Variants in PFKFB3 observed in about 807,000 individuals in gnomAD.
PFKFB3 encodes the protein 6-phosphofructo-2-kinase/fructose-2,6-biphosphatase 3.
In PFKFB3, 33 loss-of-function variants were observed where a neutral mutation model predicts 68.0. The observed-to-expected ratio is 0.49, with a 90% CI of 0.37 to 0.65. The LOEUF (loss-of-function observed/expected upper bound fraction) is 0.65, where lower values mean the gene tolerates loss of function less well. PFKFB3 is among the 30% of genes least tolerant of loss of function. The probability of loss-of-function intolerance (pLI) is 0.00; values close to 1 mark genes in which losing one functional copy is unlikely to be tolerated. For synonymous variants in PFKFB3, 315 were observed against 288.2 expected, an observed-to-expected ratio of 1.09 and a Z score of -0.94; for missense variants, 586 against 712.2, an observed-to-expected ratio of 0.82 and a Z score of 2.02.
intron 1 of PFKFB3, among the ~76,000 whole-genome samples, chr10:6,146,020 G>A (rs1841378789): frequency 6.6e-6 from 1 of 152,200 alleles, no homozygotes; most frequent in Non-Finnish European, 1.5e-5. Context: ...AGAGTTGTGT[G>A]ACTCCTGCGC....
At chr10:6,156,417 A>T (rs113391104) in intron 1 of PFKFB3, among the ~76,000 whole-genome samples, 8,869 of 151,940 alleles carry the variant, frequency 0.058, 315 homozygotes, top group Non-Finnish European at 0.074. Flanking sequence ...TGGCCTCCCA[A>T]AGTGCTGGGA....
At chr10:6,245,351 TC>T (rs1164155899) in intron 14 of PFKFB3, among the ~76,000 whole-genome samples, 1 of 151,874 alleles carries the variant, frequency 6.6e-6, no homozygotes, top group Non-Finnish European at 1.5e-5. Flanking sequence ...CGCCTTGGCC[TC>T]CCAAAGTGCT....
chr10:6,223,760 G>A (rs1010757051), intron 11 of PFKFB3, among the ~76,000 whole-genome samples, 198 bp from the exon 12 acceptor site: 4 of 152,144 alleles, frequency 2.6e-5, no homozygotes, highest in Non-Finnish European at 5.9e-5. Context: ...GGGATTATAC[G>A]CATGTGCTAC....
intron 6 of PFKFB3, among the ~76,000 whole-genome samples, chr10:6,217,473 G>A (rs1307648835): frequency 6.6e-6 from 1 of 152,242 alleles, no homozygotes; most frequent in East Asian, 1.9e-4. Flanking sequence ...GGTGGCAGGA[G>A]CCTGACAGCT....
At chr10:6,150,338 AG>A in intron 1 of PFKFB3, among the ~76,000 whole-genome samples, 1 of 152,190 alleles carries the variant, frequency 6.6e-6, no homozygotes, top group Non-Finnish European at 1.5e-5. Context: ...AGATCCTTAT[AG>A]GCCAGGCACG....
the PFKFB3 span, among the ~76,000 whole-genome samples, chr10:6,266,605 A>G: frequency 5.8e-4 from 89 of 152,306 alleles, 1 homozygote; most frequent in South Asian, 6.4e-3. Flanking sequence ...TATAATATGT[A>G]TGTGTGTGTA....
At chr10:6,264,095 C>T in the PFKFB3 span, among the ~76,000 whole-genome samples, 9 of 152,234 alleles carry the variant, frequency 5.9e-5, no homozygotes, top group Admixed American at 2.0e-4. Flanking sequence ...ACTTTTTCCC[C>T]ATATCGAATT....
At chr10:6,248,205 G>A (rs1846298682) in intron 14 of PFKFB3, among the ~76,000 whole-genome samples, 1 of 152,178 alleles carries the variant, frequency 6.6e-6, no homozygotes, top group African/African-American at 2.4e-5. Flanking sequence ...TTCACCCCCA[G>A]TTTTCCTGGG....
chr10:6,170,746 T>C (rs1045700584), intron 1 of PFKFB3, among the ~76,000 whole-genome samples: 7 of 152,062 alleles, frequency 4.6e-5, no homozygotes, highest in Non-Finnish European at 1.0e-4. Flanking sequence ...AGGCGGTGGC[T>C]GAGCAGAGCA....
the PFKFB3 span, among the ~76,000 whole-genome samples, chr10:6,283,764 C>T: frequency 9.2e-5 from 14 of 152,244 alleles, no homozygotes; most frequent in African/African-American, 3.4e-4. Context: ...AATCGTGCAA[C>T]CACGGGTGGA....
chr10:6,271,499 TGA>T, the PFKFB3 span, among the ~76,000 whole-genome samples: 1 of 152,218 alleles, frequency 6.6e-6, no homozygotes, highest in African/African-American at 2.4e-5. Context: ...CCGAATTCTT[TGA>T]GAGTAATGAA....
intron 1 of PFKFB3, among the ~76,000 whole-genome samples, chr10:6,162,554 C>A (rs1842000225): frequency 6.6e-6 from 1 of 152,134 alleles, no homozygotes; most frequent in African/African-American, 2.4e-5. Flanking sequence ...TCTTTCCTGC[C>A]CATCCTCCCT....
At chr10:6,188,537 T>C (rs1301434074) in intron 1 of PFKFB3, among the ~76,000 whole-genome samples, 1 of 152,072 alleles carries the variant, frequency 6.6e-6, no homozygotes, top group African/African-American at 2.4e-5. Flanking sequence ...TTTTTAAATG[T>C]GTACAGTTCA....
At chr10:6,197,326 A>G (rs1843204803) in intron 1 of PFKFB3, among the ~76,000 whole-genome samples, 1 of 152,156 alleles carries the variant, frequency 6.6e-6, no homozygotes, top group Admixed American at 6.5e-5. Flanking sequence ...CCATTGTGTT[A>G]CAGTTGCCTA....
chr10:6,226,108 G>A (rs1001109851), intron 13 of PFKFB3, 84 bp from the exon 14 acceptor site: 5 of 1,247,778 alleles, frequency 4.0e-6, no homozygotes, highest in Non-Finnish European at 5.6e-6. Flanking sequence ...TAAAATCCAG[G>A]AGCAGAGAAA....
downstream of PFKFB3, among the ~76,000 whole-genome samples, chr10:6,254,805 G>GTTTT (rs1294334635): frequency 7.4e-5 from 3 of 40,648 alleles, no homozygotes; most frequent in African/African-American, 8.0e-5. Context: ...ATTTTTTTCT[G>GTTTT]TTCTTTTTTT....
At chr10:6,272,671 G>A in the PFKFB3 span, among the ~76,000 whole-genome samples, 1 of 152,026 alleles carries the variant, frequency 6.6e-6, no homozygotes. Context: ...CTCCAGCCTG[G>A]GTGACAGAGG....
At chr10:6,230,135 A>T (rs1845646387) in intron 14 of PFKFB3, among the ~76,000 whole-genome samples, 1 of 152,192 alleles carries the variant, frequency 6.6e-6, no homozygotes, top group Non-Finnish European at 1.5e-5. Flanking sequence ...CAAGATGAAC[A>T]TAATAGTGCG....
Position 6,156,507 on chromosome 10 carries a change from C to A in PFKFB3, c.16+11494C>A, listed in dbSNP as rs1373130685. ...ATTAAATTAATTAATTAATTAATTA[C>A]TTTTTATTTATCTTTTTTGAGATGG... is the stretch of plus-strand genomic sequence containing the variant. On this transcript the variant is annotated intron_variant, in intron 1 of 14. Transcript: ENST00000379789. Among the ~76,000 whole-genome samples, 11 of 133,608 alleles carry A rather than the reference C, an allele frequency of 8.2e-5. 1 individual carries two copies. Among genetic ancestry groups the A allele is most frequent in the African/African-American group, 2.9e-4 (10 of 34,746 alleles). The allele number at this position is 133,608 out of a possible 152,430, so 87.7% of individuals were successfully genotyped here.
Sources: gnomAD v4.1 joint callset for allele counts (sites outside exome capture counted in the v4.1 genomes callset) on GRCh38, gnomAD v4.1.1 for gene constraint, MANE v1.5 for transcripts, NCBI Gene and HGNC (gene_info 2026-07-23, HGNC 2026-07-21) for gene names.